REPS2: variants seen among roughly 807,000 people sequenced by gnomAD.
REPS2 encodes ralBP1-associated Eps domain-containing protein 2.
REPS2 carries 23 observed loss-of-function variants against 53.6 expected under a neutral mutation model. The observed-to-expected ratio is 0.43, with a 90% CI of 0.31 to 0.61. The LOEUF is 0.61. Among genes scored for constraint, REPS2 ranks in the 20% least tolerant of loss-of-function variants. The pLI is 0.11. For missense variants in REPS2, 446 were observed against 534.9 expected (o/e 0.83, Z 1.64); for synonymous variants, 238 against 218.6 (o/e 1.09, Z -0.78).
chrX:17,140,326 A>G (rs754838683), intron 17 of REPS2, among the ~76,000 whole-genome samples: 6 of 110,345 alleles, frequency 5.4e-5, no homozygotes, highest in Non-Finnish European at 9.5e-5. Context: ...TTTTTGACAT[A>G]CCATACTCTC....
intron 7 of REPS2, among the ~76,000 whole-genome samples, chrX:17,053,371 TTTTG>T (rs901013222): frequency 9.9e-5 from 11 of 111,584 alleles, no homozygotes; most frequent in African/African-American, 2.9e-4. Flanking sequence ...TTGTTTTGTT[TTTTG>T]TTTGTTTGTT....
At chrX:17,176,971 TCTTC>T in the REPS2 span, among the ~76,000 whole-genome samples, 1 of 112,433 alleles carries the variant, frequency 8.9e-6, no homozygotes, top group Admixed American at 9.4e-5. Flanking sequence ...GTGTTTTCTT[TCTTC>T]CTTAGCTCTG....
At position 17,010,025 on chromosome X, in the gene REPS2, C is replaced by G. The variant is rs371756975; in HGVS notation, c.397+3681C>G. On this transcript the variant is annotated intron_variant, in intron 2 of 17. Coordinates refer to ENST00000357277, the MANE Select transcript of REPS2 (RefSeq NM_004726.3). Reference sequence around the variant, plus strand: ...CTTGGGTTCCTAGGGATCTGTTTTTCCTTTCTGCTTCCCCTGGTTGGCTCC... The same window carrying G: ...CTTGGGTTCCTAGGGATCTGTTTTTGCTTTCTGCTTCCCCTGGTTGGCTCC... 3.6e-5 allele frequency among the ~76,000 whole-genome samples: 4 copies of G among 111,192 alleles called. No homozygotes were observed. In the East Asian group the frequency reaches 1.1e-3, roughly 31 times the overall value.
intron 13 of REPS2, among the ~76,000 whole-genome samples, chrX:17,082,433 G>GT (rs952621533): frequency 2.8e-4 from 31 of 111,055 alleles, no homozygotes; most frequent in South Asian, 2.7e-3. Flanking sequence ...ATGGTCAGTT[G>GT]TTTTTTTTTA....
At chrX:17,101,710 T>G (rs1279319224) in intron 13 of REPS2, among the ~76,000 whole-genome samples, 1 of 112,276 alleles carries the variant, frequency 8.9e-6, no homozygotes, top group Non-Finnish European at 1.9e-5. Context: ...CTCAAGGCAG[T>G]GAGTAGGGAC....
chrX:17,013,536 G>GACAACC (rs1174115438), intron 2 of REPS2, among the ~76,000 whole-genome samples: 1 of 110,843 alleles, frequency 9.0e-6, no homozygotes, highest in East Asian at 2.8e-4. Context: ...TTTTGAGTGT[G>GACAACC]ACAACCAGTT....
At chrX:17,018,299 G>T (rs890635606) in intron 2 of REPS2, among the ~76,000 whole-genome samples, 1 of 106,201 alleles carries the variant, frequency 9.4e-6, no homozygotes, top group Admixed American at 1.0e-4. Context: ...AGATTCTTGT[G>T]CCTCAGCCTC....
At chrX:16,999,896 AAT>A (rs368672808) in intron 1 of REPS2, among the ~76,000 whole-genome samples, 44 of 104,131 alleles carry the variant, frequency 4.2e-4, no homozygotes, top group African/African-American at 1.5e-3. Flanking sequence ...AATACAAAAA[AAT>A]TAGCCGGGCG....
chrX:17,078,651 A>G (rs1274743934), intron 13 of REPS2, among the ~76,000 whole-genome samples: 1 of 112,240 alleles, frequency 8.9e-6, no homozygotes, highest in African/African-American at 3.2e-5. Flanking sequence ...ATGCGAGAAA[A>G]TTAAAACAAT....
At chrX:17,002,021 C>T (rs1457664381) in intron 1 of REPS2, among the ~76,000 whole-genome samples, 3 of 111,948 alleles carry the variant, frequency 2.7e-5, no homozygotes, top group Non-Finnish European at 5.6e-5. Flanking sequence ...GGTGAGGACA[C>T]AGCCAAACCA....
intron 1 of REPS2, among the ~76,000 whole-genome samples, chrX:16,974,731 T>C (rs2060935270): frequency 9.0e-6 from 1 of 111,568 alleles, no homozygotes; most frequent in Non-Finnish European, 1.9e-5. Context: ...AAAAAAACTT[T>C]TAGGTTCAGG....
chrX:17,159,958 G>T, the REPS2 span, among the ~76,000 whole-genome samples: 1 of 112,069 alleles, frequency 8.9e-6, no homozygotes, highest in East Asian at 2.8e-4. Flanking sequence ...AGATGATTAA[G>T]ATCATTCTGT....
the REPS2 span, among the ~76,000 whole-genome samples, chrX:17,168,318 A>G: frequency 9.0e-6 from 1 of 111,719 alleles, no homozygotes; most frequent in African/African-American, 3.3e-5. Context: ...GTTTGAGACC[A>G]TCCTAGGCAA....
At chrX:17,007,952 C>CT (rs1442924407) in intron 2 of REPS2, among the ~76,000 whole-genome samples, 1 of 112,491 alleles carries the variant, frequency 8.9e-6, no homozygotes, top group Non-Finnish European at 1.9e-5. Context: ...TCCCCATGCT[C>CT]TTAATTTCTA....
intron 1 of REPS2, among the ~76,000 whole-genome samples, chrX:16,987,033 C>T (rs754022405): frequency 9.2e-6 from 1 of 109,195 alleles, no homozygotes; most frequent in African/African-American, 3.3e-5. Flanking sequence ...CTTCAGCCTC[C>T]CCAGTAGCTG....
intron 6 of REPS2, 107 bp from the exon 7 acceptor site, chrX:17,052,275 T>C: frequency 1.7e-6 from 1 of 594,907 alleles, no homozygotes; most frequent in African/African-American, 2.2e-5. Context: ...TTTGTGGTTA[T>C]ACAGAAGAGA....
chrX:17,045,624 T>G (rs2061894763), intron 5 of REPS2, among the ~76,000 whole-genome samples: 1 of 108,381 alleles, frequency 9.2e-6, no homozygotes, highest in African/African-American at 3.4e-5. Flanking sequence ...TACAAATGAT[T>G]AACAACCCTA....
chrX:17,094,944 C>G (rs1364307895), intron 13 of REPS2, among the ~76,000 whole-genome samples: 1 of 111,056 alleles, frequency 9.0e-6, no homozygotes, highest in East Asian at 2.8e-4. Context: ...CTGGAATAAA[C>G]TTAATGATCA....
At chrX:17,174,423 T>A in the REPS2 span, among the ~76,000 whole-genome samples, 1 of 111,883 alleles carries the variant, frequency 8.9e-6, no homozygotes, top group Admixed American at 9.4e-5. Flanking sequence ...GAAATTCTGA[T>A]GTAATTGGTC....
Sources: allele counts gnomAD v4.1 joint callset (sites outside exome capture counted in the v4.1 genomes callset), GRCh38; gene constraint gnomAD v4.1.1; transcripts MANE v1.5; gene names NCBI Gene and HGNC (gene_info 2026-07-23, HGNC 2026-07-21).